P2RY4: variants seen among roughly 807,000 people sequenced by gnomAD.
P2RY4 encodes pyrimidinergic receptor P2Y4.
For missense variants in P2RY4, 291 were observed against 308.5 expected (o/e 0.94, Z 0.42); for synonymous variants, 121 against 131.6 (o/e 0.92, Z 0.55).
chrX:70,259,502 G>C lies in P2RY4; in HGVS notation c.123C>G (p.Ser41Arg). The change falls in exon 1 of 1, where the codon AGC becomes AGG. Residue 41 changes from serine to arginine, a missense_variant. By Grantham distance (110) the Ser-to-Arg change is moderately radical. Coordinates refer to ENST00000374519, the MANE Select transcript of P2RY4 (RefSeq NM_002565.4). ...AGCCCAGCACAAAGACAACTGCATA[G>C]CTCACAGGCAGCAGGATGAACTTGA... ...EDFKFILLPV[S>R]YAVVFVLGLG... 1 of 1,211,226 alleles carries C rather than the reference G, an allele frequency of 8.3e-7. No homozygotes were observed. Among genetic ancestry groups the C allele is most frequent in the Non-Finnish European group, 1.1e-6 (1 of 895,070 alleles).
Position 70,259,756 on chromosome X carries a change from G to C in P2RY4, c.-132C>G, listed in dbSNP as rs768085584. Reference sequence around the variant, plus strand: ...GAAGCACTAGGGAGAGCTGACAGAAGCGCATCTGGGTGCACTCAGGCTAGC... The same window carrying C: ...GAAGCACTAGGGAGAGCTGACAGAACCGCATCTGGGTGCACTCAGGCTAGC... On this transcript the variant is annotated 5_prime_UTR_variant, in exon 1 of 1. Coordinates refer to ENST00000374519, the MANE Select transcript of P2RY4 (RefSeq NM_002565.4). 23 of 640,459 alleles carry C rather than the reference G, an allele frequency of 3.6e-5. No homozygotes were observed. Among genetic ancestry groups the C allele is most frequent in the Non-Finnish European group, 5.2e-5 (22 of 425,229 alleles). The allele number at this position is 640,459 out of a possible 1,213,427, so 52.8% of individuals were successfully genotyped here.
Position 70,259,171 on chromosome X carries a change from C to T in P2RY4, c.454G>A (p.Ala152Thr), listed in dbSNP as rs148916862. The T allele has an allele frequency of 5.1e-4, 621 of 1,210,899 alleles. 1 individual carries two copies. In the African/African-American group the frequency reaches 9.6e-3, roughly 19 times the overall value. ...RALRWGRPRL[A>T]GLLCLAVWLV... ...CAAACTGCCAGGCAGAGAAGGCCTG[C>T]GAGGCGAGGGCGGCCCCAGCGTAGT... The change falls in exon 1 of 1, where the codon GCA becomes ACA. Residue 152 changes from alanine (A) to threonine (T), a missense_variant. Ala to Thr is a moderately conservative substitution (Grantham distance 58). Transcript: ENST00000374519.
Position 70,258,341 on chromosome X carries a change from G to A in P2RY4, c.*186C>T. 1 of 410,540 alleles carries A rather than the reference G, an allele frequency of 2.4e-6. No homozygotes were observed. Among genetic ancestry groups the A allele is most frequent in the Non-Finnish European group, 4.2e-6 (1 of 240,225 alleles). 33.8% of individuals were successfully genotyped at this position (410,540 alleles called of 1,213,427 possible). A position where few individuals can be genotyped will look rare whatever the true frequency, so the allele number is the denominator to read the frequency against. ...GATTGGCATTGGCTAAAAAGAGTCG[G>A]CAACTGAAGGGGTTATGAGAGATGA... On this transcript the variant is annotated 3_prime_UTR_variant, in exon 1 of 1. Coordinates refer to ENST00000374519, the MANE Select transcript of P2RY4 (RefSeq NM_002565.4).
chrX:70,259,577 T>G lies in P2RY4; in HGVS notation c.48A>C (p.Pro16=). 1 of 1,205,157 alleles carries G rather than the reference T, an allele frequency of 8.3e-7. No individual in the cohort carries two copies. The highest frequency in any genetic ancestry group is 1.1e-6 in the Non-Finnish European group (1 of 891,736). The change falls in exon 1 of 1, where the codon CCA becomes CCC. Residue 16 remains proline, a synonymous_variant. Coordinates refer to ENST00000374519, the MANE Select transcript of P2RY4 (RefSeq NM_002565.4). The part of the protein sequence containing the change: ...SSLLRSLGLS[P]GPGSSEVELD... ...GCTCCACCTCACTGCTGCCAGGACC[T>G]GGGCTGAGGCCTAGGGATCTCAACA...
Position 70,258,762 on chromosome X carries a change from T to C in P2RY4, c.863A>G (p.Tyr288Cys). Residue 288 changes from tyrosine (Y) to cysteine (C), a missense_variant, in exon 1 of 1, where the codon TAT becomes TGT. Transcript: ENST00000374519. ...ACTGGCCAGGGGCCGAGTCACTTTA[T>C]AGACCACGTTGACAATGTTCAGTAC... is the stretch of plus-strand genomic sequence containing the variant. ...CRVLNIVNVV[Y>C]KVTRPLASAN... 2 of 1,212,053 alleles carry C rather than the reference T, an allele frequency of 1.7e-6. No homozygotes were observed. Among genetic ancestry groups the C allele is most frequent in the Non-Finnish European group, 2.2e-6 (2 of 895,500 alleles).
rs771335892 is a variant in P2RY4, at chrX:70,259,228, G to A, written c.397C>T (p.Arg133Cys). Reference sequence around the variant, plus strand: ...AGTGGGTGGCAGATGCCCAGGTAGCGGTGCACGCTGATGCAGGTGAGGAAA... The same window carrying A: ...AGTGGGTGGCAGATGCCCAGGTAGCAGTGCACGCTGATGCAGGTGAGGAAA... The part of the protein sequence containing the change: ...VLFLTCISVH[R>C]YLGICHPLRA... Residue 133 changes from arginine (R) to cysteine (C), a missense_variant, in exon 1 of 1, where the codon CGC (arginine) becomes TGC (cysteine). Transcript: ENST00000374519. 23 of 1,211,059 alleles carry A rather than the reference G, an allele frequency of 1.9e-5. No individual in the cohort carries two copies. The highest frequency in any genetic ancestry group is 2.2e-5 in the Non-Finnish European group (20 of 895,362).
rs1331156871 is a variant in P2RY4 at position 70,259,583 on chromosome X, G to A, written c.42C>T (p.Leu14=). Residue 14 remains leucine (L), a synonymous_variant, in exon 1 of 1, where the codon CTC becomes CTT. Coordinates refer to ENST00000374519, the MANE Select transcript of P2RY4 (RefSeq NM_002565.4). ...TESSLLRSLG[L]SPGPGSSEVE... ...CCTCACTGCTGCCAGGACCTGGGCT[G>A]AGGCCTAGGGATCTCAACAGGGAGG... 2 of 1,203,164 alleles carry A rather than the reference G, an allele frequency of 1.7e-6. No homozygotes were observed. The highest frequency in any genetic ancestry group is 4.4e-5 in the Admixed American group (2 of 45,323).
At position 70,259,078 on chromosome X, in the gene P2RY4, C is replaced by A; in HGVS notation, c.547G>T (p.Val183Phe). ...FVTTSNKGTT[V>F]LCHDTTRPEE... Reference sequence around the variant, plus strand: ...GGCCGAGTGGTGTCATGGCACAGGACGGTGGTCCCTTTGTTGCTGGTTGTG... The same window carrying A: ...GGCCGAGTGGTGTCATGGCACAGGAAGGTGGTCCCTTTGTTGCTGGTTGTG... The change falls in exon 1 of 1, where the codon GTC (valine) becomes TTC (phenylalanine). Residue 183 changes from valine to phenylalanine, a missense_variant. By Grantham distance (50) the Val-to-Phe change is conservative (BLOSUM62 -1). Transcript: ENST00000374519. 8.3e-7 allele frequency: 1 copy of A among 1,211,712 alleles called. No individual in the cohort carries two copies. The highest frequency in any genetic ancestry group is 1.1e-6 in the Non-Finnish European group (1 of 895,392).
chrX:70,258,456 G>C lies in P2RY4; in HGVS notation c.*71C>G. 3 of 1,068,325 alleles carry C rather than the reference G, an allele frequency of 2.8e-6. No individual in the cohort carries two copies. Among genetic ancestry groups the C allele is most frequent in the Non-Finnish European group, 2.5e-6 (2 of 794,704 alleles). 88.0% of individuals were successfully genotyped at this position (1,068,325 alleles called of 1,213,427 possible). On this transcript the variant is annotated 3_prime_UTR_variant, in exon 1 of 1. Transcript: ENST00000374519. ...AAAAGAGGAAGAAGCACCTTACCAGGTATCACTATTGGGTTCCCTCACCTC... is the reference window on the plus strand; with the variant it reads ...AAAAGAGGAAGAAGCACCTTACCAGCTATCACTATTGGGTTCCCTCACCTC...
Position 70,259,064 on chromosome X carries a change from G to A in P2RY4, c.561C>T (p.Asp187=). The change falls in exon 1 of 1, where the codon GAC becomes GAT. Residue 187 remains aspartate (D), a synonymous_variant. Coordinates refer to ENST00000374519, the MANE Select transcript of P2RY4 (RefSeq NM_002565.4). The part of the protein sequence containing the change: ...SNKGTTVLCH[D]TTRPEEFDHY... Reference sequence around the variant, plus strand: ...GGTCAAACTCTTCAGGCCGAGTGGTGTCATGGCACAGGACGGTGGTCCCTT... The same window carrying A: ...GGTCAAACTCTTCAGGCCGAGTGGTATCATGGCACAGGACGGTGGTCCCTT... 8.3e-7 allele frequency: 1 copy of A among 1,211,975 alleles called. No homozygotes were observed. The highest frequency in any genetic ancestry group is 3.0e-5 in the East Asian group (1 of 33,846).
In P2RY4 at chrX:70,259,074, A is replaced by G; in HGVS notation, c.551T>C (p.Leu184Pro). The stretch of plus-strand genomic sequence containing the variant: ...TTCAGGCCGAGTGGTGTCATGGCAC[A>G]GGACGGTGGTCCCTTTGTTGCTGGT... ...VTTSNKGTTV[L>P]CHDTTRPEEF... The change falls in exon 1 of 1, where the codon CTG (leucine) becomes CCG (proline). Residue 184 changes from leucine (L) to proline (P), a missense_variant. By Grantham distance (98) the Leu-to-Pro change is moderately conservative. Coordinates refer to ENST00000374519, the MANE Select transcript of P2RY4 (RefSeq NM_002565.4). The G allele has an allele frequency of 8.3e-7, 1 of 1,211,933 alleles. No individual in the cohort carries two copies. Among genetic ancestry groups the G allele is most frequent in the Non-Finnish European group, 1.1e-6 (1 of 895,439 alleles).
rs911342888 is a variant in P2RY4 at position 70,258,340 on chromosome X, G to A, written c.*187C>T. On this transcript the variant is annotated 3_prime_UTR_variant, in exon 1 of 1. Coordinates refer to ENST00000374519, the MANE Select transcript of P2RY4 (RefSeq NM_002565.4). ...AGATTGGCATTGGCTAAAAAGAGTC[G>A]GCAACTGAAGGGGTTATGAGAGATG... 3.5e-5 allele frequency: 14 copies of A among 402,799 alleles called. No homozygotes were observed. In the South Asian group the frequency reaches 6.5e-4, roughly 19 times the overall value. The allele number at this position is 402,799 out of a possible 1,213,427, so 33.2% of individuals were successfully genotyped here.
Position 70,259,862 on chromosome X carries a change from G to A in P2RY4, c.-238C>T, listed in dbSNP as rs745423223. 3.8e-5 allele frequency: 16 copies of A among 416,472 alleles called. No homozygotes were observed. Among genetic ancestry groups the A allele is most frequent in the Non-Finnish European group, 4.7e-5 (11 of 234,696 alleles). The allele number at this position is 416,472 out of a possible 1,213,427, so 34.3% of individuals were successfully genotyped here. A position where few individuals can be genotyped will look rare whatever the true frequency, so the allele number is the denominator to read the frequency against. ...GTGCTGGGGCTCAGGCAGGCAGCCCGTGTATTTGGGTTGTACTCACTCTGC... is the reference window on the plus strand; with the variant it reads ...GTGCTGGGGCTCAGGCAGGCAGCCCATGTATTTGGGTTGTACTCACTCTGC... On this transcript the variant is annotated 5_prime_UTR_variant, in exon 1 of 1. The change creates a new upstream start codon in the 5' untranslated region. Transcript: ENST00000374519.
rs778002771 is a variant in P2RY4 at position 70,258,891 on chromosome X, C to G, written c.734G>C (p.Arg245Pro). 2 of 1,209,787 alleles carry G rather than the reference C, an allele frequency of 1.7e-6. No homozygotes were observed. Among genetic ancestry groups the G allele is most frequent in the Non-Finnish European group, 2.2e-6 (2 of 895,048 alleles). The change falls in exon 1 of 1, where the codon CGC (arginine) becomes CCC (proline). Residue 245 changes from arginine (R) to proline (P), a missense_variant. Arg to Pro is a moderately radical substitution (Grantham distance 103). Transcript: ENST00000374519. ...AQSSSRLRSL[R>P]TIAVVLTVFA... ...GACAGTCAGCACCACAGCTATGGTG[C>G]GGAGAGAGCGGAGGCGAGAAGACGA...
In P2RY4 at chrX:70,258,876, A is replaced by G. The variant is rs1336756033; in HGVS notation, c.749T>C (p.Val250Ala). The change falls in exon 1 of 1, where the codon GTG becomes GCG. Residue 250 changes from valine to alanine, a missense_variant. Val to Ala is a moderately conservative substitution (Grantham distance 64). Transcript: ENST00000374519. ...RLRSLRTIAV[V>A]LTVFAVCFVP... Reference sequence around the variant, plus strand: ...GAAGCAGACAGCAAAGACAGTCAGCACCACAGCTATGGTGCGGAGAGAGCG... The same window carrying G: ...GAAGCAGACAGCAAAGACAGTCAGCGCCACAGCTATGGTGCGGAGAGAGCG... 3.3e-6 allele frequency: 4 copies of G among 1,210,401 alleles called. No individual in the cohort carries two copies. In the African/African-American group the frequency reaches 7.0e-5, roughly 21 times the overall value.
In P2RY4 at chrX:70,259,027, A is replaced by G; in HGVS notation, c.598T>C (p.Phe200Leu). ...AGCAGCCCCATGACCGCCGAGCTGA[A>G]GTGCACATAGTGGTCAAACTCTTCA... The part of the protein sequence containing the change: ...RPEEFDHYVH[F>L]SSAVMGLLFG... The change falls in exon 1 of 1, where the codon TTC becomes CTC. Residue 200 changes from phenylalanine (F) to leucine (L), a missense_variant. Phe to Leu is a conservative substitution (Grantham distance 22). Coordinates refer to ENST00000374519, the MANE Select transcript of P2RY4 (RefSeq NM_002565.4). 1 of 1,211,560 alleles carries G rather than the reference A, an allele frequency of 8.3e-7. No individual in the cohort carries two copies. The highest frequency in any genetic ancestry group is 1.8e-5 in the South Asian group (1 of 56,988).
chrX:70,259,793 C>T lies in P2RY4; in HGVS notation c.-169G>A. The T allele has an allele frequency of 2.0e-6, 1 of 489,922 alleles. No homozygotes were observed. The highest frequency in any genetic ancestry group is 3.7e-5 in the East Asian group (1 of 26,669). The allele number at this position is 489,922 out of a possible 1,213,427, so 40.4% of individuals were successfully genotyped here. A position where few individuals can be genotyped will look rare whatever the true frequency, so the allele number is the denominator to read the frequency against. On this transcript the variant is annotated 5_prime_UTR_variant, in exon 1 of 1. Coordinates refer to ENST00000374519, the MANE Select transcript of P2RY4 (RefSeq NM_002565.4). ...GCACTCAGGCTAGCCTGGCCCCTAC[C>T]CAAGCTCCCTTGGTCCAGCTTGGGA...
rs761081069 is a variant in P2RY4 at position 70,259,202 on chromosome X, A to C, written c.423T>G (p.Leu141=). The change falls in exon 1 of 1, where the codon CTT becomes CTG. Residue 141 remains leucine, a synonymous_variant. Coordinates refer to ENST00000374519, the MANE Select transcript of P2RY4 (RefSeq NM_002565.4). ...VHRYLGICHP[L]RALRWGRPRL... is the part of the protein sequence containing the mutation. ...GAGGGCGGCCCCAGCGTAGTGCCCG[A>C]AGTGGGTGGCAGATGCCCAGGTAGC... is the stretch of plus-strand genomic sequence containing the variant. 7 of 1,211,059 alleles carry C rather than the reference A, an allele frequency of 5.8e-6. No individual in the cohort carries two copies. The highest frequency in any genetic ancestry group is 6.7e-6 in the Non-Finnish European group (6 of 895,421).
chrX:70,258,891 C>A lies in P2RY4; in HGVS notation c.734G>T (p.Arg245Leu), dbSNP rs778002771. The change falls in exon 1 of 1, where the codon CGC (arginine) becomes CTC (leucine). Residue 245 changes from arginine to leucine, a missense_variant. Transcript: ENST00000374519. ...GACAGTCAGCACCACAGCTATGGTG[C>A]GGAGAGAGCGGAGGCGAGAAGACGA... ...AQSSSRLRSLRTIAVVLTVFA... is the reference protein window; with the variant it reads ...AQSSSRLRSLLTIAVVLTVFA... 2.5e-6 allele frequency: 3 copies of A among 1,209,787 alleles called. No individual in the cohort carries two copies. In the African/African-American group the frequency reaches 5.2e-5, roughly 21 times the overall value.
Sources: allele counts gnomAD v4.1 joint callset, GRCh38; gene constraint gnomAD v4.1.1; transcripts MANE v1.5; gene names NCBI Gene and HGNC (gene_info 2026-07-23, HGNC 2026-07-21).